CEP162: variants seen among roughly 807,000 people sequenced by gnomAD.
The protein encoded by CEP162 is centrosomal protein 162.
CEP162 carries 141 observed loss-of-function variants against 169.2 expected under a neutral mutation model. The observed-to-expected ratio is 0.83, with a 90% CI of 0.73 to 0.96. The LOEUF is 0.96. Ranked by LOEUF, CEP162 falls within the 40% of genes least tolerant of loss-of-function variation. The pLI is 0.00. For missense variants in CEP162, 1,600 were observed against 1,587.2 expected, an observed-to-expected ratio of 1.01 and a Z score of -0.14; for synonymous variants, 540 against 526.4, an observed-to-expected ratio of 1.03 and a Z score of -0.35.
At chr6:84,156,421 A>C (rs1250112138) in intron 21 of CEP162, among the ~76,000 whole-genome samples, 1 of 152,192 alleles carries the variant, frequency 6.6e-6, no homozygotes, top group Non-Finnish European at 1.5e-5. Context: ...GGACACGAAC[A>C]CACATTTTTC....
chr6:84,165,010 T>C (rs114796905), intron 18 of CEP162, among the ~76,000 whole-genome samples: 1,533 of 152,022 alleles, frequency 0.01, 27 homozygotes, highest in African/African-American at 0.035. Context: ...ACCTATTCCA[T>C]TCTAGCCAGA....
rs1205200059 is a variant in CEP162, at chr6:84,152,832, G to C, written c.3342C>G (p.Asp1114Glu). 6.2e-7 allele frequency: 1 copy of C among 1,613,580 alleles called. No individual in the cohort carries two copies. Among genetic ancestry groups the C allele is most frequent in the South Asian group, 1.1e-5 (1 of 91,062 alleles). Residue 1114 changes from aspartate to glutamate, a missense_variant, in exon 23 of 27, where the codon GAC becomes GAG. Physicochemically the swap from Asp to Glu is conservative, Grantham distance 45. Transcript: ENST00000403245. ...LSKTVERLQKDRRMMLSNQNS... is the reference protein window; with the variant it reads ...LSKTVERLQKERRMMLSNQNS... ...TCTGATTTGATAGCATCATTCTTCT[G>C]TCTTTCTGAAGCCTCTCCACAGTTT... is the stretch of plus-strand genomic sequence containing the variant.
At chr6:84,221,862 A>G (rs1425820261) in intron 2 of CEP162, among the ~76,000 whole-genome samples, 3 of 151,434 alleles carry the variant, frequency 2.0e-5, no homozygotes, top group African/African-American at 7.3e-5. Context: ...TCTTTCCTCC[A>G]CTCCAAGCAG....
At chr6:84,136,136 G>T (rs2129188826) in intron 25 of CEP162, among the ~76,000 whole-genome samples, 1 of 152,288 alleles carries the variant, frequency 6.6e-6, no homozygotes, top group African/African-American at 2.4e-5. Context: ...GGTAAATTCT[G>T]ATCAGTTTTA....
chr6:84,201,510 C>T (rs2099544508), intron 8 of CEP162, among the ~76,000 whole-genome samples: 1 of 151,886 alleles, frequency 6.6e-6, no homozygotes. Context: ...GCCTAGTATA[C>T]ATGTACACAT....
intron 13 of CEP162, among the ~76,000 whole-genome samples, chr6:84,179,848 T>C (rs931108586): frequency 6.6e-5 from 10 of 152,116 alleles, no homozygotes; most frequent in Non-Finnish European, 2.9e-5. Context: ...GAGGCAATAA[T>C]TAATAGCCTA....
chr6:84,168,737 T>C (rs1457869697), intron 18 of CEP162, among the ~76,000 whole-genome samples: 2 of 152,212 alleles, frequency 1.3e-5, no homozygotes, highest in Non-Finnish European at 2.9e-5. Flanking sequence ...ACTCCTTCTA[T>C]TGATAAATAC....
intron 13 of CEP162, among the ~76,000 whole-genome samples, chr6:84,183,886 G>A (rs1051977866): frequency 1.3e-5 from 2 of 151,980 alleles, no homozygotes; most frequent in African/African-American, 4.8e-5. Flanking sequence ...TCTCCTAGAT[G>A]GCTACTTCGT....
chr6:84,173,686 CTT>C (rs3066635), intron 16 of CEP162, among the ~76,000 whole-genome samples: 17 of 140,436 alleles, frequency 1.2e-4, no homozygotes, highest in Non-Finnish European at 1.1e-4. Context: ...TTTAATATAC[CTT>C]TTTTTTTTTT....
rs552950903 is a variant in CEP162, at chr6:84,130,583, T to C, written c.3871-4071A>G. On this transcript the variant is annotated intron_variant, in intron 25 of 26. Coordinates refer to ENST00000403245, the MANE Select transcript of CEP162 (RefSeq NM_014895.4). ...ATTCGACTTCTTCCTCGTTTAGACT[T>C]GGGAGGGTGTATGTGTCCAGGAATT... 6.6e-5 allele frequency among the ~76,000 whole-genome samples: 10 copies of C among 152,310 alleles called. No individual in the cohort carries two copies. The South Asian group carries it at 2.1e-3, about 32-fold the overall frequency.
At chr6:84,152,477 T>C (rs2099521489) in intron 23 of CEP162, 68 bp downstream of exon 23, 1 of 826,750 alleles carries the variant, frequency 1.2e-6, no homozygotes. Context: ...GGAGGAAATA[T>C]ATCGTATAAT....
intron 25 of CEP162, among the ~76,000 whole-genome samples, chr6:84,144,181 T>C (rs1044791326): frequency 6.6e-6 from 1 of 152,010 alleles, no homozygotes; most frequent in Non-Finnish European, 1.5e-5. Flanking sequence ...CTTTTACAAA[T>C]AGAGATGTCA....
intron 16 of CEP162, among the ~76,000 whole-genome samples, chr6:84,172,998 C>G (rs2099530806): frequency 6.6e-6 from 1 of 152,160 alleles, no homozygotes; most frequent in Non-Finnish European, 1.5e-5. Context: ...ACATCTGCCT[C>G]TATAGGACCC....
chr6:84,164,219 G>A (rs1006558800), intron 18 of CEP162, among the ~76,000 whole-genome samples: 11 of 152,160 alleles, frequency 7.2e-5, no homozygotes, highest in African/African-American at 1.9e-4. Context: ...GCAAGGATGC[G>A]GAGAAACAGG....
At chr6:84,159,536 TATATATATATA>T (rs1465495669) in intron 21 of CEP162, among the ~76,000 whole-genome samples, 2 of 44,856 alleles carry the variant, frequency 4.5e-5, no homozygotes, top group African/African-American at 1.9e-4. Flanking sequence ...TATATATATA[TATATATATATA>T]TTTTTTTTTT....
At chr6:84,220,966 G>A in intron 3 of CEP162, 91 bp downstream of exon 3, 1 of 656,784 alleles carries the variant, frequency 1.5e-6, no homozygotes, top group South Asian at 2.0e-5. Flanking sequence ...ATTATTTTCT[G>A]TATATATTTA....
intron 18 of CEP162, among the ~76,000 whole-genome samples, chr6:84,166,072 C>T (rs1249838360): frequency 1.3e-5 from 2 of 152,164 alleles, no homozygotes; most frequent in Non-Finnish European, 2.9e-5. Context: ...TGCCATCAAT[C>T]AATGGAAGGC....
intron 25 of CEP162, among the ~76,000 whole-genome samples, chr6:84,135,618 T>TC (rs1165466572): frequency 6.6e-6 from 1 of 150,964 alleles, no homozygotes; most frequent in African/African-American, 2.5e-5. Context: ...ATCCCAGCTC[T>TC]TTGGGAGGCT....
intron 25 of CEP162, among the ~76,000 whole-genome samples, chr6:84,129,755 T>C (rs986457529): frequency 6.6e-6 from 1 of 152,276 alleles, no homozygotes; most frequent in Admixed American, 6.5e-5. Flanking sequence ...ATATTGATTT[T>C]GGACTGAGAT....
Sources: gnomAD v4.1 joint callset for allele counts (sites outside exome capture counted in the v4.1 genomes callset) on GRCh38, gnomAD v4.1.1 for gene constraint, MANE v1.5 for transcripts, NCBI Gene and HGNC (gene_info 2026-07-23, HGNC 2026-07-21) for gene names.